The following ENTPD5 variants were observed in gnomAD, a reference collection of about 807,000 sequenced individuals.
The protein encoded by ENTPD5 is ectonucleoside triphosphate diphosphohydrolase 5 (inactive), also known as nucleoside diphosphate phosphatase ENTPD5.
ENTPD5 carries 49 observed loss-of-function variants against 60.2 expected under a neutral mutation model. The observed-to-expected ratio is 0.81, with a 90% CI of 0.65 to 1.03. The LOEUF (loss-of-function observed/expected upper bound fraction) is 1.03. ENTPD5 is among the 50% of genes least tolerant of loss of function. The probability of loss-of-function intolerance (pLI) is 0.00; values close to 1 mark genes in which losing one functional copy is unlikely to be tolerated. For synonymous variants in ENTPD5, 187 were observed against 185.4 expected, an observed-to-expected ratio of 1.01 and a Z score of -0.07; for missense variants, 480 against 507.6, an observed-to-expected ratio of 0.95 and a Z score of 0.52.
chr14:73,981,849 T>A (rs2057704410), intron 6 of ENTPD5, among the ~76,000 whole-genome samples: 1 of 151,808 alleles, frequency 6.6e-6, no homozygotes, highest in Non-Finnish European at 1.5e-5. Flanking sequence ...CCATTATTCT[T>A]CTCAAAAACT....
intron 3 of ENTPD5, among the ~76,000 whole-genome samples, chr14:74,005,358 C>T (rs965993913): frequency 9.0e-5 from 3 of 33,376 alleles, no homozygotes; most frequent in African/African-American, 2.2e-4. Flanking sequence ...GAGCAAGACT[C>T]GGTCTCAAAA....
rs761661105 is a variant in ENTPD5, at chr14:73,972,907, C to T, written c.1004G>A (p.Arg335Gln). The change falls in exon 13 of 16, where the codon CGA becomes CAA. Residue 335 changes from arginine (R) to glutamine (Q), a missense_variant. Coordinates refer to ENST00000334696, the MANE Select transcript of ENTPD5 (RefSeq NM_001249.5). ...SFYAFSYYYD[R>Q]AVDTDMIDYE... ...ACCAATCATGTCTGTGTCAACAGCT[C>T]GGTCATAATAGTAAGAGAAAGCATA... 5 of 1,614,104 alleles carry T rather than the reference C, an allele frequency of 3.1e-6. No individual in the cohort carries two copies. Among genetic ancestry groups the T allele is most frequent in the South Asian group, 2.2e-5 (2 of 91,070 alleles).
At chr14:73,992,678 C>G (rs1273293171) in intron 3 of ENTPD5, among the ~76,000 whole-genome samples, 1 of 134,216 alleles carries the variant, frequency 7.5e-6, no homozygotes, top group Non-Finnish European at 1.6e-5. Flanking sequence ...AACAAGACTC[C>G]GTCTCAAAAA....
chr14:74,012,442 A>C (rs776456340), intron 2 of ENTPD5, among the ~76,000 whole-genome samples: 1 of 152,182 alleles, frequency 6.6e-6, no homozygotes, highest in Non-Finnish European at 1.5e-5. Flanking sequence ...ATTACTTAAC[A>C]GAGTACAATC....
At chr14:74,014,744 A>G (rs760866112) in intron 2 of ENTPD5, among the ~76,000 whole-genome samples, 7 of 152,204 alleles carry the variant, frequency 4.6e-5, no homozygotes, top group Non-Finnish European at 5.9e-5. Context: ...TCAATTTAGT[A>G]GAATTCTATA....
Position 73,986,877 on chromosome 14 carries a change from T to G in ENTPD5, c.234A>C (p.Leu78=). ...TCACAGAATCAAAAACTTCCCCTTC[T>G]AGAATTGGAAGCTGTCCTATTTTGT... ...VQKMPGQLPI[L]EGEVFDSVKP... Residue 78 remains leucine (L), a synonymous_variant, in exon 5 of 16, where the codon CTA becomes CTC. Transcript: ENST00000334696. 6.2e-7 allele frequency: 1 copy of G among 1,613,876 alleles called. No homozygotes were observed. The highest frequency in any genetic ancestry group is 2.2e-5 in the East Asian group (1 of 44,894).
At chr14:73,993,584 C>A (rs1235117770) in intron 3 of ENTPD5, among the ~76,000 whole-genome samples, 18 of 152,180 alleles carry the variant, frequency 1.2e-4, no homozygotes, top group Non-Finnish European at 2.2e-4. Flanking sequence ...CTGGCTGATT[C>A]TTTTACAGCA....
intron 12 of ENTPD5, 95 bp from the exon 13 acceptor site, chr14:73,973,119 C>A: frequency 6.9e-7 from 1 of 1,452,556 alleles, no homozygotes; most frequent in South Asian, 1.3e-5. Context: ...GAGGGAACAG[C>A]AGGAAGGTCA....
rs2057486144 is a variant in ENTPD5, at chr14:73,977,307, G to A, written c.509C>T (p.Ser170Phe). Residue 170 changes from serine (S) to phenylalanine (F), a missense_variant, in exon 7 of 16, where the codon TCC becomes TTC. By Grantham distance (155) the Ser-to-Phe change is radical (BLOSUM62 -2). Transcript: ENST00000334696. ...PKGSVSIMDG[S>F]DEGILAWVTV... ...ATCAACACCTCTCCCACCTTCGTCGGATCCATCCATGATGCTAACACTGCC... is the reference window on the plus strand; with the variant it reads ...ATCAACACCTCTCCCACCTTCGTCGAATCCATCCATGATGCTAACACTGCC... The A allele has an allele frequency of 4.4e-6, 7 of 1,609,110 alleles. No individual in the cohort carries two copies. Among genetic ancestry groups the A allele is most frequent in the Non-Finnish European group, 2.5e-6 (3 of 1,177,976 alleles).
intron 12 of ENTPD5, among the ~76,000 whole-genome samples, chr14:73,973,339 T>C (rs1276444370): frequency 6.6e-6 from 1 of 152,244 alleles, no homozygotes; most frequent in African/African-American, 2.4e-5. Context: ...CTTCCTTCAC[T>C]GGGAATTCAG....
intron 2 of ENTPD5, among the ~76,000 whole-genome samples, chr14:74,012,136 ACT>A (rs2058864132): frequency 6.6e-6 from 1 of 151,986 alleles, no homozygotes; most frequent in Non-Finnish European, 1.5e-5. Context: ...ATGGAGTCTC[ACT>A]CTGTCATCCA....
rs1026851905 is a variant in ENTPD5, at chr14:73,964,100, G to A, written c.*2828C>T. On this transcript the variant is annotated 3_prime_UTR_variant, in exon 16 of 16. Transcript: ENST00000334696. Reference sequence around the variant, plus strand: ...GTCATCTTTCACAAAAAATGGAAAGGTGGCCTAGATGAGGAGGACACAGAC... The same window carrying A: ...GTCATCTTTCACAAAAAATGGAAAGATGGCCTAGATGAGGAGGACACAGAC... 6.6e-6 allele frequency: 1 copy of A among 152,158 alleles called. No individual in the cohort carries two copies. The highest frequency in any genetic ancestry group is 1.5e-5 in the Non-Finnish European group (1 of 68,040). The allele number at this position is 152,158 out of a possible 1,614,324, so 9.4% of individuals were successfully genotyped here.
At chr14:74,017,885 C>CA (rs935078674) in intron 1 of ENTPD5, among the ~76,000 whole-genome samples, 71 of 118,806 alleles carry the variant, frequency 6.0e-4, no homozygotes, top group African/African-American at 2.2e-3. Flanking sequence ...ACTCTTGTCT[C>CA]AAAAAAAAGG....
At chr14:74,005,265 C>CAAAAAAAAAAAAAAAA (rs71115941) in intron 3 of ENTPD5, among the ~76,000 whole-genome samples, 2 of 39,950 alleles carry the variant, frequency 5.0e-5, no homozygotes, top group Admixed American at 2.8e-4. Context: ...GACTCAGTCT[C>CAAAAAAAAAAAAAAAA]AAAAAAAAAA....
chr14:73,990,926 G>A (rs1167498103), intron 3 of ENTPD5, among the ~76,000 whole-genome samples: 6 of 152,074 alleles, frequency 3.9e-5, no homozygotes, highest in African/African-American at 1.4e-4. Flanking sequence ...CTACTCAGGA[G>A]GTTGAGACAG....
In ENTPD5 at chr14:74,001,666, C is replaced by CAAAAAAAAAAAAAA. The variant is rs541623960; in HGVS notation, c.-71+9411_-71+9424dup. 4.3e-4 allele frequency among the ~76,000 whole-genome samples: 21 copies of CAAAAAAAAAAAAAA among 49,356 alleles called. 2 individuals are homozygous for CAAAAAAAAAAAAAA. Among genetic ancestry groups the CAAAAAAAAAAAAAA allele is most frequent in the Non-Finnish European group, 5.9e-4 (17 of 29,046 alleles). The allele number at this position is 49,356 out of a possible 152,430, so 32.4% of individuals were successfully genotyped here. On this transcript the variant is annotated intron_variant, in intron 3 of 15. Coordinates refer to ENST00000334696, the MANE Select transcript of ENTPD5 (RefSeq NM_001249.5). ...CTGGCGAGAGAGCAAGACCTCATCT[C>CAAAAAAAAAAAAAA]AAAAAAAAAAAAAAAAAAAAAAAAA...
intron 6 of ENTPD5, among the ~76,000 whole-genome samples, chr14:73,978,467 G>C (rs896590574): frequency 1.3e-4 from 20 of 152,120 alleles, no homozygotes; most frequent in Middle Eastern, 3.4e-3. Flanking sequence ...TTAGCATGGT[G>C]GTGGGCACCT....
At position 73,966,221 on chromosome 14, in the gene ENTPD5, A is replaced by T. The variant is rs1480859446; in HGVS notation, c.*707T>A. 1 of 152,228 alleles carries T rather than the reference A, an allele frequency of 6.6e-6. No homozygotes were observed. The highest frequency in any genetic ancestry group is 1.9e-4 in the East Asian group (1 of 5,198). The allele number at this position is 152,228 out of a possible 1,614,324, so 9.4% of individuals were successfully genotyped here. On this transcript the variant is annotated 3_prime_UTR_variant, in exon 16 of 16. Coordinates refer to ENST00000334696, the MANE Select transcript of ENTPD5 (RefSeq NM_001249.5). ...TCATTAATCCCAGAGTTGACTGATA[A>T]AATGCTGATTAAAGCAAAGGTAGGC...
At chr14:73,984,471 T>C (rs1480739937) in intron 5 of ENTPD5, among the ~76,000 whole-genome samples, 1 of 152,182 alleles carries the variant, frequency 6.6e-6, no homozygotes, top group African/African-American at 2.4e-5. Flanking sequence ...TCAGGCTTAT[T>C]CCTGTATCAT....
Sources: allele counts gnomAD v4.1 joint callset (sites outside exome capture counted in the v4.1 genomes callset), GRCh38; gene constraint gnomAD v4.1.1; transcripts MANE v1.5; gene names NCBI Gene and HGNC (gene_info 2026-07-23, HGNC 2026-07-21).